PAPPA2: variants seen among roughly 807,000 people sequenced by gnomAD.
PAPPA2 encodes the protein pappalysin-2.
In PAPPA2, 86 loss-of-function variants were observed where a neutral mutation model predicts 176.4. The observed-to-expected ratio is 0.49, with a 90% CI of 0.41 to 0.58. The LOEUF is 0.58. Among genes scored for constraint, PAPPA2 ranks in the 20% least tolerant of loss-of-function variants. PAPPA2 has a pLI of 0.00. For synonymous variants in PAPPA2, 809 were observed against 852.2 expected, an observed-to-expected ratio of 0.95 and a Z score of 0.88; for missense variants, 2,073 against 2,256.9, an observed-to-expected ratio of 0.92 and a Z score of 1.65.
intron 1 of PAPPA2, among the ~76,000 whole-genome samples, chr1:176,470,118 A>C (rs949395297): frequency 6.6e-6 from 1 of 152,208 alleles, no homozygotes; most frequent in African/African-American, 2.4e-5. Context: ...ACAGAAATTC[A>C]CACTAATATG....
At chr1:176,775,883 G>T (rs1185070719) in intron 17 of PAPPA2, among the ~76,000 whole-genome samples, 1 of 152,256 alleles carries the variant, frequency 6.6e-6, no homozygotes, top group East Asian at 1.9e-4. Flanking sequence ...CTTTTGCATG[G>T]TAGATTTTAA....
intron 3 of PAPPA2, among the ~76,000 whole-genome samples, chr1:176,632,229 A>ATGTGTGTG (rs56939950): frequency 1.7e-3 from 250 of 145,534 alleles, no homozygotes; most frequent in Middle Eastern, 0.01. Context: ...ATTAGTAGTG[A>ATGTGTGTG]TGTGTGTGTG....
intron 3 of PAPPA2, among the ~76,000 whole-genome samples, chr1:176,626,856 G>A (rs931216095): frequency 6.6e-6 from 1 of 150,786 alleles, no homozygotes; most frequent in African/African-American, 2.4e-5. Context: ...ATAAGATTGA[G>A]TGTGTGAACA....
At chr1:176,664,595 C>G (rs1658527851) in intron 3 of PAPPA2, among the ~76,000 whole-genome samples, 1 of 152,152 alleles carries the variant, frequency 6.6e-6, no homozygotes, top group Admixed American at 6.6e-5. Flanking sequence ...TTCCCAGCTT[C>G]CAGGGACTAG....
At chr1:176,650,726 A>T (rs1305173735) in intron 3 of PAPPA2, among the ~76,000 whole-genome samples, 1 of 151,536 alleles carries the variant, frequency 6.6e-6, no homozygotes, top group Non-Finnish European at 1.5e-5. Context: ...ATAAATGAGG[A>T]CTTGCTACTG....
chr1:176,776,338 C>T (rs915327473), intron 17 of PAPPA2, among the ~76,000 whole-genome samples: 1 of 152,156 alleles, frequency 6.6e-6, no homozygotes, highest in African/African-American at 2.4e-5. Flanking sequence ...CTATAAGTCA[C>T]TCGTCAAGAT....
At chr1:176,536,941 G>A (rs777848701) in intron 1 of PAPPA2, among the ~76,000 whole-genome samples, 9 of 152,138 alleles carry the variant, frequency 5.9e-5, no homozygotes, top group Non-Finnish European at 1.3e-4. Flanking sequence ...CTATGAGAGA[G>A]GTACAATTAT....
chr1:176,515,099 G>A (rs2206504), intron 1 of PAPPA2, among the ~76,000 whole-genome samples: 94,755 of 152,016 alleles, frequency 0.62, 31,400 homozygotes, highest in East Asian at 0.95. Flanking sequence ...AGTAAAACTG[G>A]GAGAATTAAA....
At chr1:176,658,794 A>T (rs1185952409) in intron 3 of PAPPA2, among the ~76,000 whole-genome samples, 1 of 151,972 alleles carries the variant, frequency 6.6e-6, no homozygotes, top group Non-Finnish European at 1.5e-5. Context: ...TCTTCATTAC[A>T]TAGGTCATGG....
chr1:176,623,801 T>TTCTTTCTTTCTTTCTTTCTTTC (rs1553376035), intron 3 of PAPPA2, among the ~76,000 whole-genome samples: 20 of 121,378 alleles, frequency 1.6e-4, no homozygotes, highest in African/African-American at 6.2e-4. Context: ...CTTTCTTTCT[T>TTCTTTCTTTCTTTCTTTCTTTC]TCTTTCTTCT....
At chr1:176,530,800 A>G (rs1248827320) in intron 1 of PAPPA2, among the ~76,000 whole-genome samples, 1 of 152,208 alleles carries the variant, frequency 6.6e-6, no homozygotes, top group African/African-American at 2.4e-5. Context: ...AGGGGCATAC[A>G]TTTCATGGAG....
Position 176,699,323 on chromosome 1 carries a change from C to G in PAPPA2, c.2970C>G (p.Asn990Lys). Residue 990 changes from asparagine (N) to lysine (K), a missense_variant, in exon 8 of 23, where the codon AAC becomes AAG. Physicochemically the swap from Asn to Lys is moderately conservative, Grantham distance 94. Coordinates refer to ENST00000367662, the MANE Select transcript of PAPPA2 (RefSeq NM_020318.3). ...VLFDTEILLE[N>K]KESVHLGPLD... ...TTGACACAGAGATCTTGCTGGAAAA[C>G]AAGGAGTCAGTGCACCTGGGCCCCT... The G allele has an allele frequency of 6.2e-7, 1 of 1,614,194 alleles. No individual in the cohort carries two copies. Among genetic ancestry groups the G allele is most frequent in the Non-Finnish European group, 8.5e-7 (1 of 1,180,016 alleles).
rs115606813 is a variant in PAPPA2 at position 176,740,244 on chromosome 1, A to T, written c.4151+48A>T. 6.4e-4 allele frequency: 989 copies of T among 1,541,666 alleles called. 8 individuals carry two copies. In the African/African-American group the frequency reaches 0.013, roughly 20 times the overall value. On this transcript the variant is annotated intron_variant, in intron 14 of 22. Transcript: ENST00000367662. ...TTTGTTTCCTTTTCTTGTGGCTCTA[A>T]TGATTGGCTCACATTTACATAGTGT... is the stretch of plus-strand genomic sequence containing the variant.
chr1:176,575,869 C>A (rs1051049406), intron 2 of PAPPA2, among the ~76,000 whole-genome samples: 12 of 152,108 alleles, frequency 7.9e-5, no homozygotes, highest in Middle Eastern at 3.2e-3. Flanking sequence ...TATTTTATAC[C>A]ATTTGGGTCA....
rs766938843 is a variant in PAPPA2 at position 176,706,389 on chromosome 1, C to T, written c.3396C>T (p.Asp1132=). The change falls in exon 10 of 23, where the codon GAC becomes GAT. Residue 1132 remains aspartate, a synonymous_variant. Transcript: ENST00000367662. ...ERLGEECDDG[D]LVSGDGCSKV... is the part of the protein sequence containing the mutation. ...TGGGAGAAGAGTGTGATGATGGAGA[C>T]CTTGTGAGCGGAGATGGCTGCTCCA... The T allele has an allele frequency of 3.7e-6, 6 of 1,613,644 alleles. No individual in the cohort carries two copies. In the South Asian group the frequency reaches 5.5e-5, roughly 15 times the overall value.
At chr1:176,520,106 C>T (rs1649131494) in intron 1 of PAPPA2, among the ~76,000 whole-genome samples, 1 of 152,162 alleles carries the variant, frequency 6.6e-6, no homozygotes, top group African/African-American at 2.4e-5. Context: ...CCCTTTGTAG[C>T]ATTACCAGTT....
At chr1:176,510,382 A>C (rs1648522720) in intron 1 of PAPPA2, among the ~76,000 whole-genome samples, 1 of 152,166 alleles carries the variant, frequency 6.6e-6, no homozygotes, top group Admixed American at 6.5e-5. Flanking sequence ...AGAACAAGAA[A>C]ATTAAATTAA....
intron 3 of PAPPA2, among the ~76,000 whole-genome samples, chr1:176,662,884 A>G (rs1278930877): frequency 1.3e-5 from 2 of 152,246 alleles, no homozygotes; most frequent in African/African-American, 4.8e-5. Context: ...TACTAAAAAT[A>G]TAGAGGTTTA....
At chr1:176,702,125 C>G (rs1373725748) in intron 8 of PAPPA2, among the ~76,000 whole-genome samples, 1 of 152,180 alleles carries the variant, frequency 6.6e-6, no homozygotes, top group Non-Finnish European at 1.5e-5. Flanking sequence ...TGATCTTACT[C>G]CTAAGGATTC....
Sources: gnomAD v4.1 joint callset for allele counts (sites outside exome capture counted in the v4.1 genomes callset) on GRCh38, gnomAD v4.1.1 for gene constraint, MANE v1.5 for transcripts, NCBI Gene and HGNC (gene_info 2026-07-23, HGNC 2026-07-21) for gene names.